NRXN3: variants seen among roughly 807,000 people sequenced by gnomAD.
NRXN3 encodes neurexin III.
Under a neutral mutation model 137.6 loss-of-function variants are expected in NRXN3, and 32 were observed. The ratio of observed to expected loss-of-function variants is 0.23; its 90% CI spans 0.18 to 0.31. The LOEUF (loss-of-function observed/expected upper bound fraction) is 0.31, where lower values mean the gene tolerates loss of function less well. Ranked by LOEUF, NRXN3 falls within the 10% of genes least tolerant of loss-of-function variation. The pLI, the probability that NRXN3 is intolerant of heterozygous loss-of-function variation, is 1.00. For missense variants in NRXN3, 1,574 were observed against 2,062.5 expected (o/e 0.76, Z 4.59); for synonymous variants, 798 against 784.5 (o/e 1.02, Z -0.29).
At chr14:79,482,411 C>T (rs928352897) in intron 16 of NRXN3, among the ~76,000 whole-genome samples, 1 of 152,160 alleles carries the variant, frequency 6.6e-6, no homozygotes, top group African/African-American at 2.4e-5. Context: ...CACTGTGTTG[C>T]TCATGACTGT....
chr14:78,520,091 C>G (rs1356281087), intron 4 of NRXN3, among the ~76,000 whole-genome samples: 1 of 152,154 alleles, frequency 6.6e-6, no homozygotes, highest in African/African-American at 2.4e-5. Flanking sequence ...TCCTATCTAT[C>G]TGGATTATTG....
At chr14:78,531,412 G>A (rs1488268739) in intron 4 of NRXN3, among the ~76,000 whole-genome samples, 1 of 152,292 alleles carries the variant, frequency 6.6e-6, no homozygotes. Flanking sequence ...AATGAGAATT[G>A]CTACAACTAA....
chr14:78,613,494 G>A (rs959802640), intron 4 of NRXN3, among the ~76,000 whole-genome samples: 3 of 151,288 alleles, frequency 2.0e-5, no homozygotes, highest in African/African-American at 7.3e-5. Flanking sequence ...TGGAACTTCC[G>A]AGGCAACTGT....
chr14:78,615,044 C>T (rs1490797351), intron 4 of NRXN3: 2 of 456,588 alleles, frequency 4.4e-6, no homozygotes, highest in Middle Eastern at 3.3e-4. Flanking sequence ...TAGGGATGCT[C>T]CTCGTATTTC....
At chr14:79,792,336 C>T (rs1259800495) in intron 19 of NRXN3, among the ~76,000 whole-genome samples, 1 of 152,126 alleles carries the variant, frequency 6.6e-6, no homozygotes, top group Non-Finnish European at 1.5e-5. Context: ...GTTTGTTGCC[C>T]AGTAATTCTG....
At chr14:78,370,489 C>T (rs550415976) in intron 4 of NRXN3, among the ~76,000 whole-genome samples, 3 of 152,260 alleles carry the variant, frequency 2.0e-5, no homozygotes, top group Admixed American at 6.5e-5. Context: ...TGTGATAGCA[C>T]TTATATAAGG....
chr14:78,452,758 G>C (rs1370045542), intron 4 of NRXN3, among the ~76,000 whole-genome samples: 1 of 152,214 alleles, frequency 6.6e-6, no homozygotes, highest in Non-Finnish European at 1.5e-5. Context: ...TTAAGCACTA[G>C]TTAGTGGGCT....
At chr14:79,022,519 C>T (rs1289398245) in intron 15 of NRXN3, among the ~76,000 whole-genome samples, 1 of 152,162 alleles carries the variant, frequency 6.6e-6, no homozygotes, top group Admixed American at 6.5e-5. Context: ...TTATTGGGAA[C>T]ACACACGAAG....
At chr14:79,210,019 C>G (rs562054354) in intron 15 of NRXN3, among the ~76,000 whole-genome samples, 2 of 152,182 alleles carry the variant, frequency 1.3e-5, no homozygotes, top group Admixed American at 6.5e-5. Flanking sequence ...AGTGAATTTC[C>G]CCTTGAATTT....
At chr14:78,240,106 G>A (rs1276214013) in intron 1 of NRXN3, among the ~76,000 whole-genome samples, 1 of 152,166 alleles carries the variant, frequency 6.6e-6, no homozygotes, top group Admixed American at 6.5e-5. Context: ...TGCTACCAAA[G>A]TCATGCCAAC....
intron 4 of NRXN3, among the ~76,000 whole-genome samples, chr14:78,641,546 C>T (rs954134527): frequency 6.6e-6 from 1 of 152,156 alleles, no homozygotes; most frequent in Non-Finnish European, 1.5e-5. Context: ...AAAATTATTC[C>T]ATCACTTGAA....
intron 10 of NRXN3, among the ~76,000 whole-genome samples, chr14:78,946,822 G>A (rs1272526246): frequency 1.3e-5 from 2 of 152,116 alleles, no homozygotes; most frequent in African/African-American, 2.4e-5. Flanking sequence ...GCTGTATTAA[G>A]AGCCAGCTGC....
chr14:78,224,480 G>A (rs1349739209), intron 1 of NRXN3, among the ~76,000 whole-genome samples: 6 of 151,850 alleles, frequency 4.0e-5, no homozygotes, highest in Non-Finnish European at 7.4e-5. Flanking sequence ...CTGTGCCCAT[G>A]TGTTCTCATT....
chr14:78,788,830 G>C (rs1374496940), intron 8 of NRXN3, among the ~76,000 whole-genome samples: 1 of 151,976 alleles, frequency 6.6e-6, no homozygotes, highest in Non-Finnish European at 1.5e-5. Flanking sequence ...TTACACTTGG[G>C]AAACTGAGTC....
intron 15 of NRXN3, among the ~76,000 whole-genome samples, chr14:79,114,942 T>C (rs1175747016): frequency 1.3e-5 from 2 of 152,162 alleles, no homozygotes; most frequent in African/African-American, 4.8e-5. Flanking sequence ...GGTATTATCT[T>C]TAAATACGAC....
rs66861661 is a variant in NRXN3 at position 78,898,554 on chromosome 14, CGTGTGTGTGTGTGTGTGT to C, written c.2276-58657_2276-58640del. On this transcript the variant is annotated intron_variant, in intron 10 of 20. Transcript: ENST00000335750. ...TGCTTTCCAGAGCACAGCTGGGTTT[CGTGTGTGTGTGTGTGTGT>C]GTGTGTGTGTGTGTGTGTGTGTGTG... Among the ~76,000 whole-genome samples the C allele has an allele frequency of 8.1e-4, 110 of 136,340 alleles. 1 individual carries two copies. Among genetic ancestry groups the C allele is most frequent in the South Asian group, 7.6e-3 (30 of 3,946 alleles). 89.4% of individuals were successfully genotyped at this position (136,340 alleles called of 152,430 possible).
intron 4 of NRXN3, among the ~76,000 whole-genome samples, chr14:78,606,887 A>T (rs183200861): frequency 6.6e-6 from 1 of 152,192 alleles, no homozygotes; most frequent in Non-Finnish European, 1.5e-5. Context: ...TAACGTATAA[A>T]CCTAAGTGTC....
intron 10 of NRXN3, among the ~76,000 whole-genome samples, chr14:78,818,392 A>G (rs533947980): frequency 7.9e-5 from 12 of 152,240 alleles, no homozygotes; most frequent in African/African-American, 2.4e-4. Flanking sequence ...ATTTATACAA[A>G]ATTGTTAAGA....
At chr14:79,503,000 C>T (rs1002746906) in intron 16 of NRXN3, among the ~76,000 whole-genome samples, 1 of 152,150 alleles carries the variant, frequency 6.6e-6, no homozygotes, top group African/African-American at 2.4e-5. Flanking sequence ...AGCCAAGTGA[C>T]GTGGCATTCA....
Sources: gnomAD v4.1 joint callset for allele counts (sites outside exome capture counted in the v4.1 genomes callset) on GRCh38, gnomAD v4.1.1 for gene constraint, MANE v1.5 for transcripts, NCBI Gene and HGNC (gene_info 2026-07-23, HGNC 2026-07-21) for gene names.